HNRNPLL: variants seen among roughly 807,000 people sequenced by gnomAD.
HNRNPLL encodes heterogeneous nuclear ribonucleoprotein L like, also known as heterogeneous nuclear ribonucleoprotein L-like.
In HNRNPLL, 25 loss-of-function variants were observed where a neutral mutation model predicts 67.1. That is an observed-to-expected ratio of 0.37 (90% CI 0.27 to 0.52). HNRNPLL has a LOEUF of 0.52. Among genes scored for constraint, HNRNPLL ranks in the 20% least tolerant of loss-of-function variants. HNRNPLL has a pLI of 0.90. For synonymous variants in HNRNPLL, 267 were observed against 241.7 expected (o/e 1.10, Z -0.97); for missense variants, 542 against 673.9 (o/e 0.80, Z 2.17).
chr2:38,594,959 G>A (rs1467896153), intron 1 of HNRNPLL, among the ~76,000 whole-genome samples: 3 of 150,354 alleles, frequency 2.0e-5, no homozygotes, highest in African/African-American at 7.3e-5. Flanking sequence ...AAATAACCAT[G>A]TACCCACCAT....
chr2:38,567,548 T>A (rs1665917761), intron 12 of HNRNPLL, among the ~76,000 whole-genome samples: 1 of 152,228 alleles, frequency 6.6e-6, no homozygotes, highest in Admixed American at 6.5e-5. Context: ...TTTCTAAACA[T>A]ATGCATGTAT....
rs373478159 is a variant in HNRNPLL, at chr2:38,595,652, T to C, written c.190-4004A>G. On this transcript the variant is annotated intron_variant, in intron 1 of 12. Transcript: ENST00000449105. The stretch of plus-strand genomic sequence containing the variant: ...TGAGGTCAGGAGTTTGAGATCAGCC[T>C]GGCCAACATGGTGAAACCACATCTC... Among the ~76,000 whole-genome samples, 6 of 152,252 alleles carry C rather than the reference T, an allele frequency of 3.9e-5. No individual in the cohort carries two copies. In the East Asian group the frequency reaches 7.8e-4, roughly 20 times the overall value.
At chr2:38,570,745 G>A (rs1666045457) in intron 8 of HNRNPLL, among the ~76,000 whole-genome samples, 1 of 152,062 alleles carries the variant, frequency 6.6e-6, no homozygotes, top group Non-Finnish European at 1.5e-5. Flanking sequence ...ATGGATGCCT[G>A]AAACTGCAGA....
intron 3 of HNRNPLL, among the ~76,000 whole-genome samples, 199 bp from the exon 4 acceptor site, chr2:38,584,125 G>A (rs1452856179): frequency 1.3e-5 from 2 of 152,084 alleles, no homozygotes; most frequent in South Asian, 2.1e-4. Flanking sequence ...GCAGTGGCAC[G>A]ATCACAGTTC....
chr2:38,587,811 G>A (rs1034113051), intron 2 of HNRNPLL, among the ~76,000 whole-genome samples: 3 of 152,158 alleles, frequency 2.0e-5, no homozygotes, highest in African/African-American at 7.2e-5. Flanking sequence ...TGTGATCGCC[G>A]ATGTAGGAAG....
chr2:38,565,727 CAAAAAAAAAAAAAA>C (rs200356084), intron 12 of HNRNPLL, among the ~76,000 whole-genome samples: 5,335 of 73,400 alleles, frequency 0.073, 170 homozygotes, highest in Non-Finnish European at 0.092. Flanking sequence ...GACCCTGTCT[CAAAAAAAAAAAAAA>C]AAAAAAAAAA....
chr2:38,577,435 ACCTT>A (rs780425668), intron 7 of HNRNPLL, 22 bp downstream of exon 7: 199 of 1,402,066 alleles, frequency 1.4e-4, no homozygotes, highest in Non-Finnish European at 6.5e-5. Context: ...CATCTATACT[ACCTT>A]CTTTCTACCT....
At chr2:38,588,443 G>A (rs2148370651) in intron 2 of HNRNPLL, among the ~76,000 whole-genome samples, 1 of 151,512 alleles carries the variant, frequency 6.6e-6, no homozygotes, top group Admixed American at 6.6e-5. Flanking sequence ...CAGCTACTTG[G>A]GAGGCTGAGG....
intron 2 of HNRNPLL, among the ~76,000 whole-genome samples, chr2:38,587,747 T>A (rs540562623): frequency 6.6e-6 from 1 of 152,214 alleles, no homozygotes; most frequent in Non-Finnish European, 1.5e-5. Flanking sequence ...CAGAAAATTA[T>A]AAAGGTACTG....
chr2:38,602,424 C>A lies in HNRNPLL; in HGVS notation c.189+14G>T. On this transcript the variant is annotated intron_variant, in intron 1 of 12. Transcript: ENST00000449105. Reference sequence around the variant, plus strand: ...CAGCCAGGCACAGCGGACAGGGGGGCCGCGCTTTGTTACCGGCTGAGAGAA... The same window carrying A: ...CAGCCAGGCACAGCGGACAGGGGGGACGCGCTTTGTTACCGGCTGAGAGAA... The A allele has an allele frequency of 1.3e-6, 2 of 1,543,220 alleles. No individual in the cohort carries two copies. Among genetic ancestry groups the A allele is most frequent in the East Asian group, 2.4e-5 (1 of 41,688 alleles).
rs755951753 is a variant in HNRNPLL, at chr2:38,581,948, C to A, written c.767G>T (p.Ser256Ile). 6.2e-7 allele frequency: 1 copy of A among 1,612,728 alleles called. No individual in the cohort carries two copies. The highest frequency in any genetic ancestry group is 2.2e-5 in the East Asian group (1 of 44,854). Residue 256 changes from serine (S) to isoleucine (I), a missense_variant, in exon 6 of 13, where the codon AGT (serine) becomes ATT (isoleucine). Around this residue, in one of 2 missense-constraint regions of HNRNPLL, gnomAD observed 415 missense variants for 575.2 expected, o/e 0.72. Transcript: ENST00000449105. ...CAAATATGGTTTAGTGTAGTCCCAA[C>A]TGTCATTGTCATTCCTAATAACATT... is the stretch of plus-strand genomic sequence containing the variant. Reference protein sequence around the residue: ...RLNVIRNDNDSWDYTKPYLGR... With the variant: ...RLNVIRNDNDIWDYTKPYLGR...
Position 38,602,922 on chromosome 2 carries a change from T to TA in HNRNPLL, c.-297dup. ...CGCTCCCTGCCCGGAGGAGCGAATC[T>TA]AAGGATGGGGACGCAACCGTGGCTT... On this transcript the variant is annotated 5_prime_UTR_variant, in exon 1 of 13. Coordinates refer to ENST00000449105, the MANE Select transcript of HNRNPLL (RefSeq NM_138394.4). The TA allele has an allele frequency of 2.0e-6, 3 of 1,506,940 alleles. No individual in the cohort carries two copies. In the South Asian group the frequency reaches 3.6e-5, roughly 18 times the overall value. 93.3% of individuals were successfully genotyped at this position (1,506,940 alleles called of 1,614,324 possible).
intron 12 of HNRNPLL, among the ~76,000 whole-genome samples, chr2:38,567,725 T>C (rs917733622): frequency 1.3e-5 from 2 of 152,160 alleles, no homozygotes; most frequent in African/African-American, 4.8e-5. Context: ...CCACTTCCAA[T>C]GTTAGGTTAT....
rs76186413 is a variant in HNRNPLL, at chr2:38,572,400, T to C, written c.1092+810A>G. Among the ~76,000 whole-genome samples, 115 of 152,206 alleles carry C rather than the reference T, an allele frequency of 7.6e-4. 2 individuals are homozygous for C. In the East Asian group the frequency reaches 0.021, roughly 28 times the overall value. On this transcript the variant is annotated intron_variant, in intron 8 of 12. Transcript: ENST00000449105. ...TAGTGACTCACATGCTGCAAGAACT[T>C]ACTGTTGCAAAGAACACTAAAATCA...
chr2:38,579,011 T>A (rs967792303), intron 6 of HNRNPLL, among the ~76,000 whole-genome samples: 13 of 152,140 alleles, frequency 8.5e-5, no homozygotes, highest in African/African-American at 2.9e-4. Flanking sequence ...ACTAATCCAT[T>A]CTGTTAATGT....
chr2:38,572,234 GT>G (rs386389976), intron 8 of HNRNPLL, among the ~76,000 whole-genome samples: 1 of 151,798 alleles, frequency 6.6e-6, no homozygotes, highest in Non-Finnish European at 1.5e-5. Flanking sequence ...GTTTTGTTTT[GT>G]TTTTTACTGT....
intron 7 of HNRNPLL, among the ~76,000 whole-genome samples, chr2:38,576,887 C>T (rs1212703347): frequency 6.6e-6 from 1 of 151,824 alleles, no homozygotes; most frequent in Non-Finnish European, 1.5e-5. Context: ...CCTAACGTTA[C>T]CTAATTTTTT....
chr2:38,589,707 T>C (rs962272613), intron 2 of HNRNPLL, among the ~76,000 whole-genome samples: 1 of 152,214 alleles, frequency 6.6e-6, no homozygotes, highest in Non-Finnish European at 1.5e-5. Flanking sequence ...ATTACTAACT[T>C]AAAATAGTTC....
intron 12 of HNRNPLL, among the ~76,000 whole-genome samples, chr2:38,564,686 G>A (rs1665787642): frequency 6.6e-6 from 1 of 150,906 alleles, no homozygotes. Flanking sequence ...CATATTTACT[G>A]GAAGGTAAGC....
Sources: allele counts gnomAD v4.1 joint callset (sites outside exome capture counted in the v4.1 genomes callset), GRCh38; gene constraint gnomAD v4.1.1; regional missense constraint gnomAD v4.1.1; transcripts MANE v1.5; gene names NCBI Gene and HGNC (gene_info 2026-07-23, HGNC 2026-07-21).